EEFSEC: variants seen among roughly 807,000 people sequenced by gnomAD.
EEFSEC encodes the protein eukaryotic elongation factor, selenocysteine-tRNA specific, also known as selenocysteine-specific elongation factor.
Under a neutral mutation model 42.1 loss-of-function variants are expected in EEFSEC, and 43 were observed. The observed-to-expected ratio is 1.02, with a 90% CI of 0.80 to 1.32. The LOEUF (loss-of-function observed/expected upper bound fraction) is 1.32. EEFSEC is among the 40% of genes most tolerant of loss of function. The pLI is 0.00. For missense variants in EEFSEC, 745 were observed against 803.6 expected, an observed-to-expected ratio of 0.93 and a Z score of 0.88; for synonymous variants, 354 against 339.1, an observed-to-expected ratio of 1.04 and a Z score of -0.48.
intron 4 of EEFSEC, among the ~76,000 whole-genome samples, chr3:128,306,900 C>A (rs1442117330): frequency 6.6e-6 from 1 of 152,262 alleles, no homozygotes; most frequent in African/African-American, 2.4e-5. Flanking sequence ...TTCTACTTAG[C>A]CCATACGGCA....
chr3:128,175,225 G>C (rs1326817282), intron 1 of EEFSEC, among the ~76,000 whole-genome samples: 1 of 151,750 alleles, frequency 6.6e-6, no homozygotes, highest in Non-Finnish European at 1.5e-5. Context: ...TCCTGAGCCT[G>C]GGATTAAATC....
At chr3:128,367,422 G>A (rs1048176424) in intron 6 of EEFSEC, among the ~76,000 whole-genome samples, 2 of 152,234 alleles carry the variant, frequency 1.3e-5, no homozygotes, top group Non-Finnish European at 2.9e-5. Flanking sequence ...TTGCACTGGG[G>A]TCTGAGGACA....
chr3:128,204,917 G>T (rs1449243358), intron 1 of EEFSEC, among the ~76,000 whole-genome samples: 4 of 152,160 alleles, frequency 2.6e-5, no homozygotes, highest in African/African-American at 7.2e-5. Flanking sequence ...AAAGAAAGGA[G>T]CCCAATTGTT....
chr3:128,425,923 G>A, the EEFSEC span, among the ~76,000 whole-genome samples: 1 of 152,262 alleles, frequency 6.6e-6, no homozygotes, highest in Non-Finnish European at 1.5e-5. Flanking sequence ...AGGGTTTCCA[G>A]GCGGGGGCCC....
intron 1 of EEFSEC, among the ~76,000 whole-genome samples, chr3:128,160,842 TAG>T (rs1037226401): frequency 1.3e-5 from 2 of 152,138 alleles, no homozygotes; most frequent in Non-Finnish European, 2.9e-5. Flanking sequence ...TATCTTAACT[TAG>T]AGAAAATTGG....
chr3:128,206,014 T>C (rs1486684357), intron 1 of EEFSEC, among the ~76,000 whole-genome samples: 1 of 152,252 alleles, frequency 6.6e-6, no homozygotes, highest in Non-Finnish European at 1.5e-5. Flanking sequence ...ACTCTTTAAG[T>C]ATTTTACAAT....
intron 4 of EEFSEC, among the ~76,000 whole-genome samples, chr3:128,271,287 G>A (rs2066409988): frequency 6.6e-6 from 1 of 152,212 alleles, no homozygotes; most frequent in Non-Finnish European, 1.5e-5. Context: ...CTGTGAATCA[G>A]GTGCCCGAGG....
intron 1 of EEFSEC, among the ~76,000 whole-genome samples, chr3:128,209,102 GTGT>G (rs1479404195): frequency 6.6e-6 from 1 of 152,250 alleles, no homozygotes; most frequent in Non-Finnish European, 1.5e-5. Context: ...TGTAGAACAT[GTGT>G]TCCATGGCAT....
intron 1 of EEFSEC, among the ~76,000 whole-genome samples, chr3:128,212,189 A>G (rs1471459455): frequency 3.3e-5 from 5 of 152,120 alleles, no homozygotes; most frequent in Admixed American, 2.0e-4. Context: ...TAACACTCAC[A>G]GAATGTTGGT....
intron 4 of EEFSEC, among the ~76,000 whole-genome samples, chr3:128,285,155 C>T (rs1421287086): frequency 6.6e-6 from 1 of 151,988 alleles, no homozygotes; most frequent in Non-Finnish European, 1.5e-5. Flanking sequence ...CTTCATGATG[C>T]CTTGAGCACG....
chr3:128,177,402 A>ACCCCCT (rs1258612105), intron 1 of EEFSEC, among the ~76,000 whole-genome samples: 1 of 62,568 alleles, frequency 1.6e-5, no homozygotes, highest in African/African-American at 6.1e-5. Context: ...CACCACCCCC[A>ACCCCCT]CCCCCACCCG....
intron 2 of EEFSEC, among the ~76,000 whole-genome samples, chr3:128,249,525 T>C (rs953305988): frequency 3.3e-5 from 5 of 152,192 alleles, no homozygotes; most frequent in African/African-American, 1.2e-4. Context: ...GTCCCCACTA[T>C]ATATACCCCA....
At chr3:128,311,032 A>G (rs745436359) in intron 4 of EEFSEC, among the ~76,000 whole-genome samples, 11 of 152,364 alleles carry the variant, frequency 7.2e-5, no homozygotes, top group Non-Finnish European at 1.3e-4. Flanking sequence ...AACAAACTAC[A>G]CAACAATGTG....
chr3:128,416,449 G>A, the EEFSEC span, among the ~76,000 whole-genome samples: 142 of 152,246 alleles, frequency 9.3e-4, no homozygotes, highest in African/African-American at 2.9e-3. Context: ...GTCCCCCTCC[G>A]TCTCTGCTCG....
intron 6 of EEFSEC, among the ~76,000 whole-genome samples, chr3:128,371,703 A>T (rs2659688): frequency 2.6e-5 from 4 of 152,176 alleles, no homozygotes; most frequent in African/African-American, 9.7e-5. Context: ...GAGGAGGGTG[A>T]TGTCCAGAAT....
intron 6 of EEFSEC, among the ~76,000 whole-genome samples, chr3:128,406,946 C>G (rs1471676358): frequency 6.6e-6 from 1 of 151,332 alleles, no homozygotes; most frequent in Non-Finnish European, 1.5e-5. Flanking sequence ...AAAAGACAAG[C>G]TCCAGAGAAA....
chr3:128,387,484 C>T (rs1576692935), intron 6 of EEFSEC, among the ~76,000 whole-genome samples: 1 of 152,016 alleles, frequency 6.6e-6, no homozygotes, highest in East Asian at 1.9e-4. Context: ...TGGGGGGCGT[C>T]GAAGAGTTTT....
At chr3:128,410,358 G>A (rs2068165551), downstream of EEFSEC, among the ~76,000 whole-genome samples, 1 of 152,200 alleles carries the variant, frequency 6.6e-6, no homozygotes, top group African/African-American at 2.4e-5. Context: ...TGGGCAGGGT[G>A]ACCTTGGGTG....
intron 6 of EEFSEC, among the ~76,000 whole-genome samples, chr3:128,398,323 G>A (rs2068007470): frequency 6.6e-6 from 1 of 152,186 alleles, no homozygotes; most frequent in Non-Finnish European, 1.5e-5. Context: ...AGTGTCATGG[G>A]TTCCCCAGGC....
Sources: allele counts gnomAD v4.1 joint callset (sites outside exome capture counted in the v4.1 genomes callset), GRCh38; gene constraint gnomAD v4.1.1; transcripts MANE v1.5; gene names NCBI Gene and HGNC (gene_info 2026-07-23, HGNC 2026-07-21).